The following MYO16 variants were observed in gnomAD, a reference collection of about 807,000 sequenced individuals.
MYO16 encodes unconventional myosin-XVI.
In MYO16, 94 loss-of-function variants were observed where a neutral mutation model predicts 205.3. The ratio of observed to expected loss-of-function variants is 0.46; its 90% CI spans 0.39 to 0.54. The LOEUF is 0.54. Among genes scored for constraint, MYO16 ranks in the 20% least tolerant of loss-of-function variants. MYO16 has a pLI of 0.00. For synonymous variants in MYO16, 988 were observed against 954.0 expected, an observed-to-expected ratio of 1.04 and a Z score of -0.66; for missense variants, 2,315 against 2,387.5, an observed-to-expected ratio of 0.97 and a Z score of 0.63.
chr13:108,570,720 A>T, the MYO16 span, among the ~76,000 whole-genome samples: 1 of 152,252 alleles, frequency 6.6e-6, no homozygotes, highest in Non-Finnish European at 1.5e-5. Context: ...GTAATTCAGG[A>T]AGTCTTTTTA....
chr13:109,033,622 C>G (rs1210688835), intron 23 of MYO16, among the ~76,000 whole-genome samples: 1 of 152,094 alleles, frequency 6.6e-6, no homozygotes, highest in African/African-American at 2.4e-5. Context: ...TTTCAAAGAG[C>G]AGAAAATGAT....
intron 10 of MYO16, among the ~76,000 whole-genome samples, chr13:108,847,904 C>A (rs1877604778): frequency 6.6e-6 from 1 of 151,986 alleles, no homozygotes; most frequent in South Asian, 2.1e-4. Context: ...CTCTTTCTCC[C>A]TTCAGACATT....
At chr13:109,146,231 T>C (rs1877322562) in intron 32 of MYO16, among the ~76,000 whole-genome samples, 2 of 152,232 alleles carry the variant, frequency 1.3e-5, no homozygotes, top group Non-Finnish European at 2.9e-5. Flanking sequence ...TTTATTTGAT[T>C]ACATAAATAT....
intron 4 of MYO16, among the ~76,000 whole-genome samples, chr13:108,739,553 T>C (rs1453541468): frequency 6.6e-6 from 1 of 152,240 alleles, no homozygotes; most frequent in Non-Finnish European, 1.5e-5. Flanking sequence ...GACCTTTCTC[T>C]CTGGCTGCCC....
intron 14 of MYO16, among the ~76,000 whole-genome samples, chr13:108,889,224 C>A (rs1880048882): frequency 7.5e-6 from 1 of 133,154 alleles, no homozygotes; most frequent in Admixed American, 8.1e-5. Context: ...GCAGGCCATG[C>A]ACCTTTGGGG....
chr13:108,602,417 G>A (rs1407998652), intron 1 of MYO16, among the ~76,000 whole-genome samples: 5 of 152,062 alleles, frequency 3.3e-5, no homozygotes, highest in African/African-American at 4.8e-5. Flanking sequence ...ACGTAATTGC[G>A]ATCTTGAACA....
intron 10 of MYO16, among the ~76,000 whole-genome samples, chr13:108,850,258 A>G (rs1408791539): frequency 6.6e-6 from 1 of 152,166 alleles, no homozygotes; most frequent in Non-Finnish European, 1.5e-5. Flanking sequence ...TGTGCTACCA[A>G]CCTCCCAGAG....
At chr13:108,823,712 A>T (rs2139022950) in intron 9 of MYO16, among the ~76,000 whole-genome samples, 1 of 152,248 alleles carries the variant, frequency 6.6e-6, no homozygotes, top group South Asian at 2.1e-4. Flanking sequence ...CATTGAAAAT[A>T]TCAAATGGAT....
chr13:108,954,451 T>C (rs1216841306), intron 16 of MYO16, among the ~76,000 whole-genome samples: 1 of 152,146 alleles, frequency 6.6e-6, no homozygotes, highest in African/African-American at 2.4e-5. Context: ...TTAAGGTTTA[T>C]CACTAGGGCC....
the MYO16 span, among the ~76,000 whole-genome samples, chr13:108,584,158 T>A: frequency 6.6e-6 from 1 of 152,120 alleles, no homozygotes; most frequent in African/African-American, 2.4e-5. Flanking sequence ...TTTCACCGGG[T>A]TAGCCAGGAT....
intron 14 of MYO16, among the ~76,000 whole-genome samples, chr13:108,896,546 A>G (rs569042425): frequency 1.3e-5 from 2 of 152,328 alleles, no homozygotes; most frequent in Admixed American, 6.5e-5. Flanking sequence ...ATACTTCACT[A>G]TTATCACAAC....
At chr13:109,130,034 A>T (rs1474044339) in intron 31 of MYO16, among the ~76,000 whole-genome samples, 1 of 151,972 alleles carries the variant, frequency 6.6e-6, no homozygotes, top group African/African-American at 2.4e-5. Context: ...TAGGAGATAT[A>T]TATACACACA....
chr13:109,142,811 A>G (rs1877164772), intron 32 of MYO16, among the ~76,000 whole-genome samples: 1 of 152,136 alleles, frequency 6.6e-6, no homozygotes, highest in Non-Finnish European at 1.5e-5. Context: ...GGACCCGAGA[A>G]GATTCTGTAT....
intron 4 of MYO16, among the ~76,000 whole-genome samples, chr13:108,768,362 G>C (rs1346688547): frequency 1.3e-5 from 2 of 152,208 alleles, no homozygotes; most frequent in East Asian, 3.8e-4. Context: ...CATGTAGGAA[G>C]CCTCACTTAG....
chr13:109,183,251 G>T (rs1594167056), intron 34 of MYO16, among the ~76,000 whole-genome samples: 1 of 152,190 alleles, frequency 6.6e-6, no homozygotes, highest in African/African-American at 2.4e-5. Context: ...GCATCAGCCA[G>T]CCAAGAATGA....
At chr13:108,917,931 G>A (rs188608056) in intron 16 of MYO16, among the ~76,000 whole-genome samples, 52 of 152,338 alleles carry the variant, frequency 3.4e-4, no homozygotes, top group Admixed American at 1.6e-3. Flanking sequence ...TGATAATTGT[G>A]GAAGATTATA....
chr13:108,613,497 A>C (rs1417763003), intron 1 of MYO16, among the ~76,000 whole-genome samples: 4 of 152,130 alleles, frequency 2.6e-5, no homozygotes, highest in African/African-American at 7.2e-5. Context: ...AAGAAGGAAC[A>C]CTTCCCAATC....
chr13:108,654,984 CAG>C (rs1881177673), intron 1 of MYO16, among the ~76,000 whole-genome samples: 1 of 152,080 alleles, frequency 6.6e-6, no homozygotes, highest in Non-Finnish European at 1.5e-5. Flanking sequence ...AAAAGGGAAA[CAG>C]AGCATAAGAG....
chr13:108,900,420 A>G (rs1255624201), intron 15 of MYO16, among the ~76,000 whole-genome samples: 1 of 152,182 alleles, frequency 6.6e-6, no homozygotes, highest in African/African-American at 2.4e-5. Context: ...TCAATGTTGC[A>G]GGAAGTCAGG....
Sources: gnomAD v4.1 joint callset for allele counts (sites outside exome capture counted in the v4.1 genomes callset) on GRCh38, gnomAD v4.1.1 for gene constraint, MANE v1.5 for transcripts, NCBI Gene and HGNC (gene_info 2026-07-23, HGNC 2026-07-21) for gene names.